NLRP11: variants seen among roughly 807,000 people sequenced by gnomAD.
The protein encoded by NLRP11 is NACHT, LRR and PYD domains-containing protein 11.
NLRP11 carries 53 observed loss-of-function variants against 79.3 expected under a neutral mutation model. That is an observed-to-expected ratio of 0.67 (90% CI 0.54 to 0.84). The LOEUF is 0.84. NLRP11 is among the 40% of genes least tolerant of loss of function. The probability of loss-of-function intolerance (pLI) is 0.00; values close to 1 mark genes in which losing one functional copy is unlikely to be tolerated. For synonymous variants in NLRP11, 518 were observed against 462.6 expected, an observed-to-expected ratio of 1.12 and a Z score of -1.54; for missense variants, 1,264 against 1,255.0, an observed-to-expected ratio of 1.01 and a Z score of -0.11.
At chr19:55,786,061 A>C (rs1477158731) in intron 9 of NLRP11, among the ~76,000 whole-genome samples, 190 bp from the exon 10 acceptor site, 1 of 152,212 alleles carries the variant, frequency 6.6e-6, no homozygotes, top group African/African-American at 2.4e-5. Flanking sequence ...AAATATTAGA[A>C]TGTAAGACAA....
intron 5 of NLRP11, among the ~76,000 whole-genome samples, chr19:55,798,619 T>A (rs775228686): frequency 2.6e-5 from 4 of 152,152 alleles, no homozygotes; most frequent in Non-Finnish European, 4.4e-5. Context: ...GACACAAGTT[T>A]ACCTGTGTAA....
At chr19:55,794,207 A>T (rs1978574690) in intron 6 of NLRP11, among the ~76,000 whole-genome samples, 1 of 152,202 alleles carries the variant, frequency 6.6e-6, no homozygotes, top group African/African-American at 2.4e-5. Flanking sequence ...AAAAACATCG[A>T]ATGTGTACCT....
chr19:55,819,533 T>C (rs1490645265), intron 1 of NLRP11, among the ~76,000 whole-genome samples: 1 of 152,166 alleles, frequency 6.6e-6, no homozygotes, highest in Non-Finnish European at 1.5e-5. Context: ...GTCAAGGCTC[T>C]CAGAGTTTAT....
intron 7 of NLRP11, 142 bp from the exon 8 acceptor site, chr19:55,789,541 TACAGGTCACTTACA>T: frequency 2.9e-6 from 2 of 700,224 alleles, no homozygotes; most frequent in Non-Finnish European, 4.9e-6. Flanking sequence ...TGTTAACATC[TACAGGTCACTTACA>T]ACATACCAGG....
intron 4 of NLRP11, among the ~76,000 whole-genome samples, chr19:55,802,858 G>A (rs1182412186): frequency 6.6e-6 from 1 of 152,056 alleles, no homozygotes; most frequent in African/African-American, 2.4e-5. Flanking sequence ...CAGAAATGAG[G>A]CCACACAACT....
chr19:55,796,799 C>G (rs150933136), intron 5 of NLRP11, among the ~76,000 whole-genome samples: 3,697 of 152,066 alleles, frequency 0.024, 139 homozygotes, highest in African/African-American at 0.084. Context: ...AGCGATTCTC[C>G]TGCCTCGGCC....
At chr19:55,801,502 G>T in intron 5 of NLRP11, 70 bp downstream of exon 5, 1 of 1,228,468 alleles carries the variant, frequency 8.1e-7, no homozygotes, top group Non-Finnish European at 1.2e-6. Flanking sequence ...TATTGAAGGG[G>T]CACCTCTATC....
intron 5 of NLRP11, among the ~76,000 whole-genome samples, chr19:55,800,012 G>A (rs1238246043): frequency 2.6e-5 from 4 of 151,980 alleles, no homozygotes; most frequent in Non-Finnish European, 5.9e-5. Flanking sequence ...GATGAAGGGG[G>A]TGAAAGGGTG....
At chr19:55,823,110 C>T (rs1438725042) in intron 1 of NLRP11, among the ~76,000 whole-genome samples, 2 of 147,058 alleles carry the variant, frequency 1.4e-5, no homozygotes, top group South Asian at 4.3e-4. Context: ...TGACCCCTGA[C>T]CCCCAAGCAG....
Position 55,789,418 on chromosome 19 carries a change from A to G in NLRP11, c.2514-19T>C, listed in dbSNP as rs1400963629. On this transcript the variant is annotated intron_variant, in intron 7 of 9. Coordinates refer to ENST00000589093, the Ensembl canonical transcript of NLRP11. ...AGACAGACTGCAAAACAGAAACATG[A>G]GCTAGAGTCATGACCACCTGTCTCC... 6.2e-7 allele frequency: 1 copy of G among 1,602,792 alleles called. No individual in the cohort carries two copies. Among genetic ancestry groups the G allele is most frequent in the Non-Finnish European group, 8.5e-7 (1 of 1,174,958 alleles).
intron 4 of NLRP11, among the ~76,000 whole-genome samples, chr19:55,806,813 G>A (rs1350344723): frequency 6.6e-6 from 1 of 152,050 alleles, no homozygotes; most frequent in East Asian, 1.9e-4. Flanking sequence ...CCTCACACTG[G>A]TCTAAACATG....
chr19:55,811,040 T>TA (rs1980556405), intron 2 of NLRP11, among the ~76,000 whole-genome samples: 1 of 152,206 alleles, frequency 6.6e-6, no homozygotes, highest in South Asian at 2.1e-4. Context: ...TGTTTCCTGG[T>TA]ACGTATTCAG....
exon 2 of NLRP11, chr19:55,818,136 C>A: frequency 3.7e-6 from 6 of 1,613,952 alleles, no homozygotes; most frequent in Non-Finnish European, 3.4e-6. Context: ...TCTCTAGATA[C>A]CACAGCAGGT....
In NLRP11 at chr19:55,809,745, A is replaced by G. The variant is rs766045989; in HGVS notation, c.865T>C (p.Leu289=). The change falls in exon 3 of 10, where the codon TTG becomes CTG. Residue 289 remains leucine, a synonymous_variant. Transcript: ENST00000589093. The surrounding 1 kb of genome is among the most constrained non-coding windows in gnomAD (Gnocchi z 4.5). ...GTCGTGCAGCAATCTACCTCTTTCA[A>G]GAACGTTTTTACATTATTCCCACGT... 5 of 1,614,208 alleles carry G rather than the reference A, an allele frequency of 3.1e-6. No individual in the cohort carries two copies. The highest frequency in any genetic ancestry group is 4.5e-5 in the East Asian group (2 of 44,884).
intron 1 of NLRP11, among the ~76,000 whole-genome samples, chr19:55,820,133 A>C (rs2122882480): frequency 6.6e-6 from 1 of 152,288 alleles, no homozygotes; most frequent in South Asian, 2.1e-4. Flanking sequence ...TTTGCCCTAA[A>C]GGAGGACCTG....
chr19:55,817,620 T>C (rs137859566), intron 2 of NLRP11, among the ~76,000 whole-genome samples: 2,101 of 152,080 alleles, frequency 0.014, 45 homozygotes, highest in African/African-American at 0.047. Context: ...AGCTAAGCTA[T>C]GAGGATGCAA....
chr19:55,822,079 T>C (rs934020487), intron 1 of NLRP11, among the ~76,000 whole-genome samples: 28 of 152,254 alleles, frequency 1.8e-4, no homozygotes, highest in African/African-American at 6.3e-4. Flanking sequence ...GCCATCATGA[T>C]GAAACCCCAT....
chr19:55,788,478 C>T (rs1353955597), intron 9 of NLRP11, among the ~76,000 whole-genome samples: 9 of 151,080 alleles, frequency 6.0e-5, no homozygotes, highest in East Asian at 2.0e-4. Flanking sequence ...CGGTGGCTCA[C>T]GCCTATAATC....
At chr19:55,785,962 T>C in intron 9 of NLRP11, 91 bp from the exon 10 acceptor site, 2 of 1,327,660 alleles carry the variant, frequency 1.5e-6, no homozygotes, top group East Asian at 2.3e-5. Context: ...ATGGCATCCT[T>C]TGGGTATTCT....
Sources: gnomAD v4.1 joint callset for allele counts (sites outside exome capture counted in the v4.1 genomes callset) on GRCh38, gnomAD v4.1.1 for gene constraint, Gnocchi (gnomAD v3.1) non-coding constraint, MANE v1.5 for transcripts, NCBI Gene and HGNC (gene_info 2026-07-23, HGNC 2026-07-21) for gene names.